The following RELN variants were observed in gnomAD, a reference collection of about 807,000 sequenced individuals.
The protein encoded by RELN is reelin.
Under a neutral mutation model 427.6 loss-of-function variants are expected in RELN, and 108 were observed. The observed-to-expected ratio is 0.25, with a 90% CI of 0.22 to 0.30. The LOEUF is 0.30. Ranked by LOEUF, RELN falls within the 10% of genes least tolerant of loss-of-function variation. The pLI, the probability that RELN is intolerant of heterozygous loss-of-function variation, is 1.00. For synonymous variants in RELN, 1,524 were observed against 1,513.4 expected (o/e 1.01, Z -0.16); for missense variants, 3,715 against 4,302.8 (o/e 0.86, Z 3.82).
rs757785172 is a variant in RELN, at chr7:103,603,445, G to A, written c.3192C>T (p.Ala1064=). 6.2e-7 allele frequency: 1 copy of A among 1,613,888 alleles called. No individual in the cohort carries two copies. Among genetic ancestry groups the A allele is most frequent in the Non-Finnish European group, 8.5e-7 (1 of 1,179,870 alleles). ...AATCTGACATAATTGTGGACGGAAG[G>A]GCAGCTTCTGGGTGGCATTCAGTGC... The part of the protein sequence containing the change: ...YQGTECHPEA[A]LPSTIMSDFE... Residue 1064 remains alanine (A), a synonymous_variant, in exon 24 of 65, where the codon GCC becomes GCT. Coordinates refer to ENST00000428762, the MANE Select transcript of RELN (RefSeq NM_005045.4). This position sits in a 1 kb window ranked among gnomAD's most constrained non-coding sequence, Gnocchi z 4.3.
At chr7:103,795,146 G>A (rs1291499968) in intron 3 of RELN, among the ~76,000 whole-genome samples, 1 of 152,132 alleles carries the variant, frequency 6.6e-6, no homozygotes, top group Non-Finnish European at 1.5e-5. Context: ...CAATTTGTAT[G>A]GAACAATCAT....
chr7:103,733,162 T>G (rs1790398945), intron 6 of RELN, among the ~76,000 whole-genome samples: 1 of 152,126 alleles, frequency 6.6e-6, no homozygotes. Flanking sequence ...AAGAAGACAT[T>G]TATGCAGCTA....
At chr7:103,622,665 G>C (rs373596796) in intron 20 of RELN, among the ~76,000 whole-genome samples, 3 of 151,858 alleles carry the variant, frequency 2.0e-5, no homozygotes, top group East Asian at 1.9e-4. Flanking sequence ...TTACATAGTT[G>C]TTTCTTTCAT....
chr7:103,622,580 T>C (rs576313293), intron 20 of RELN, among the ~76,000 whole-genome samples: 4 of 152,340 alleles, frequency 2.6e-5, no homozygotes, highest in East Asian at 3.9e-4. Context: ...TGAAGCTATA[T>C]GATCTAGTTT....
At chr7:103,753,291 A>G in intron 4 of RELN, 77 bp from the exon 5 acceptor site, 2 of 1,492,056 alleles carry the variant, frequency 1.3e-6, no homozygotes, top group Non-Finnish European at 1.9e-6. Context: ...GTCACAACAC[A>G]GTTATAAAAC....
intron 1 of RELN, among the ~76,000 whole-genome samples, chr7:103,937,767 A>G (rs1452127058): frequency 2.0e-5 from 3 of 152,342 alleles, no homozygotes; most frequent in Non-Finnish European, 2.9e-5. Flanking sequence ...ATTAAAACAA[A>G]TATGTTAAAA....
At chr7:103,781,192 A>G (rs908221542) in intron 3 of RELN, among the ~76,000 whole-genome samples, 3 of 151,786 alleles carry the variant, frequency 2.0e-5, no homozygotes, top group African/African-American at 7.3e-5. Flanking sequence ...GCTTTATCCC[A>G]TGAGCCATCC....
Position 103,901,904 on chromosome 7 carries a change from CAAAAGA to C in RELN, c.337+15165_337+15170del, listed in dbSNP as rs200163188. 6.1e-3 allele frequency among the ~76,000 whole-genome samples: 924 copies of C among 152,050 alleles called. 9 individuals are homozygous for C. The highest frequency in any genetic ancestry group is 0.021 in the African/African-American group (854 of 41,516). On this transcript the variant is annotated intron_variant, in intron 2 of 64. Transcript: ENST00000428762. ...AATTTTATGTATGTGATTTGTGTCT[CAAAAGA>C]AAAACACACTACTGTTTAACTTTGT...
chr7:103,494,094 A>G (rs1346562958), intron 57 of RELN, among the ~76,000 whole-genome samples: 1 of 152,158 alleles, frequency 6.6e-6, no homozygotes, highest in Non-Finnish European at 1.5e-5. Flanking sequence ...CTTAAGGAAC[A>G]GGGCTTAGAA....
intron 1 of RELN, among the ~76,000 whole-genome samples, chr7:103,932,287 C>G (rs1322529823): frequency 6.6e-6 from 1 of 152,136 alleles, no homozygotes; most frequent in Admixed American, 6.5e-5. Flanking sequence ...AATGCAGGAA[C>G]AGAAAACCAA....
At chr7:103,930,358 C>A (rs1272625931) in intron 1 of RELN, among the ~76,000 whole-genome samples, 1 of 150,052 alleles carries the variant, frequency 6.7e-6, no homozygotes, top group Admixed American at 6.6e-5. Flanking sequence ...CATTTTGTCT[C>A]CAAATATAAT....
At chr7:103,664,305 G>A (rs1833210120) in intron 11 of RELN, among the ~76,000 whole-genome samples, 3 of 152,148 alleles carry the variant, frequency 2.0e-5, no homozygotes, top group Admixed American at 2.0e-4. Context: ...ATGCATGTGG[G>A]AATTTCCCCA....
chr7:103,817,303 C>G (rs1472030370), intron 3 of RELN, among the ~76,000 whole-genome samples: 1 of 152,224 alleles, frequency 6.6e-6, no homozygotes, highest in Non-Finnish European at 1.5e-5. Context: ...GAATATTTCA[C>G]TGTAAATCCT....
At chr7:103,701,105 A>C (rs965739737) in intron 8 of RELN, 99 bp from the exon 9 acceptor site, 77 of 762,106 alleles carry the variant, frequency 1.0e-4, no homozygotes, top group Admixed American at 1.2e-4. Flanking sequence ...AAACTATTAG[A>C]TATTTGTCTG....
chr7:103,958,809 A>G (rs182069292), intron 1 of RELN, among the ~76,000 whole-genome samples: 39 of 152,322 alleles, frequency 2.6e-4, no homozygotes, highest in African/African-American at 9.4e-4. Flanking sequence ...TAGACTTTAT[A>G]TCTTAGAAAC....
At chr7:103,934,973 G>A (rs1402546433) in intron 1 of RELN, among the ~76,000 whole-genome samples, 1 of 152,178 alleles carries the variant, frequency 6.6e-6, no homozygotes, top group Non-Finnish European at 1.5e-5. Context: ...AGCAGCTAAA[G>A]TGCAAAGCCA....
intron 28 of RELN, among the ~76,000 whole-genome samples, chr7:103,579,664 TTTG>T (rs1831084626): frequency 6.6e-6 from 1 of 151,994 alleles, no homozygotes; most frequent in African/African-American, 2.4e-5. Flanking sequence ...AGCATTCCCT[TTTG>T]TTGTTTTGCG....
chr7:103,914,101 C>CT (rs1224195314), intron 2 of RELN, among the ~76,000 whole-genome samples: 4 of 152,120 alleles, frequency 2.6e-5, no homozygotes, highest in Non-Finnish European at 5.9e-5. Context: ...TACAAATCGA[C>CT]TTTTTACAGC....
intron 2 of RELN, among the ~76,000 whole-genome samples, chr7:103,914,099 G>A (rs1378503635): frequency 1.3e-5 from 2 of 152,056 alleles, no homozygotes; most frequent in African/African-American, 2.4e-5. Context: ...AGTACAAATC[G>A]ACTTTTTACA....
Sources: gnomAD v4.1 joint callset for allele counts (sites outside exome capture counted in the v4.1 genomes callset) on GRCh38, gnomAD v4.1.1 for gene constraint, Gnocchi (gnomAD v3.1) non-coding constraint, MANE v1.5 for transcripts, NCBI Gene and HGNC (gene_info 2026-07-23, HGNC 2026-07-21) for gene names.